Variants in EXOC6 observed in about 807,000 individuals in gnomAD.
EXOC6 encodes exocyst complex component 6.
Under a neutral mutation model 112.5 loss-of-function variants are expected in EXOC6, and 60 were observed. That is an observed-to-expected ratio of 0.53 (90% confidence interval 0.43 to 0.66). The LOEUF is 0.66. Among genes scored for constraint, EXOC6 ranks in the 30% least tolerant of loss-of-function variants. The pLI, the probability that EXOC6 is intolerant of heterozygous loss-of-function variation, is 0.00. For missense variants in EXOC6, 855 were observed against 957.1 expected (o/e 0.89, Z 1.41); for synonymous variants, 295 against 308.0 (o/e 0.96, Z 0.44).
At chr10:93,051,615 A>C (rs1190965015) in intron 20 of EXOC6, among the ~76,000 whole-genome samples, 1 of 152,202 alleles carries the variant, frequency 6.6e-6, no homozygotes, top group Non-Finnish European at 1.5e-5. Context: ...AGGAAGGAAA[A>C]TCCAGGTGCT....
intron 19 of EXOC6, among the ~76,000 whole-genome samples, chr10:93,005,078 T>G (rs1343793575): frequency 6.6e-6 from 1 of 152,196 alleles, no homozygotes; most frequent in Non-Finnish European, 1.5e-5. Context: ...TTTACCCTCT[T>G]GGAGTTTAAG....
Position 92,848,611 on chromosome 10 carries a change from C to T in EXOC6, c.78C>T (p.Thr26=), listed in dbSNP as rs760948321. The T allele has an allele frequency of 9.0e-5, 130 of 1,448,006 alleles. No individual in the cohort carries two copies. The highest frequency in any genetic ancestry group is 1.1e-4 in the Non-Finnish European group (120 of 1,083,658). The allele number at this position is 1,448,006 out of a possible 1,614,324, so 89.7% of individuals were successfully genotyped here. ...RILQEIESTD[T]ACVGPTLRSV... ...TGCAGGAGATCGAGAGCACCGACAC[C>T]GCCTGTGTGGGGCCCACCCTCCGGT... The change falls in exon 1 of 22, where the codon ACC becomes ACT. Residue 26 remains threonine (T), a synonymous_variant. Coordinates refer to ENST00000260762, the MANE Select transcript of EXOC6 (RefSeq NM_019053.6).
At chr10:92,989,953 C>G (rs1843163031) in intron 18 of EXOC6, among the ~76,000 whole-genome samples, 1 of 151,898 alleles carries the variant, frequency 6.6e-6, no homozygotes, top group Admixed American at 6.6e-5. Context: ...ATTTTGATAT[C>G]CATTTTTATA....
chr10:92,837,891 C>T (rs907594720), intron 1 of EXOC6, among the ~76,000 whole-genome samples: 12 of 152,152 alleles, frequency 7.9e-5, no homozygotes, highest in Admixed American at 2.6e-4. Context: ...CGTTTACCTA[C>T]GTGTTTTTCC....
intron 1 of EXOC6, among the ~76,000 whole-genome samples, chr10:92,864,398 C>T (rs1335063619): frequency 1.3e-5 from 2 of 152,234 alleles, no homozygotes; most frequent in East Asian, 3.8e-4. Context: ...GAAACAAACA[C>T]TTGACTCTAG....
chr10:92,856,275 T>TAA lies in EXOC6; in HGVS notation c.101+7642_101+7643insAA, dbSNP rs760235705. On this transcript the variant is annotated intron_variant, in intron 1 of 21. Coordinates refer to ENST00000260762, the MANE Select transcript of EXOC6 (RefSeq NM_019053.6). ...TTTTTATTATGATGGAACCCAACCT[T>TAA]ACGATGGAAGTTTGGGTTATTAATT... is the stretch of plus-strand genomic sequence containing the variant. 1.4e-4 allele frequency among the ~76,000 whole-genome samples: 22 copies of TAA among 152,106 alleles called. 1 individual carries two copies. The East Asian group carries it at 4.3e-3, about 29-fold the overall frequency.
At position 92,948,615 on chromosome 10, in the gene EXOC6, T is replaced by TACTACC. The variant is rs1430208962; in HGVS notation, c.1416+241_1416+242insCACTAC. Among the ~76,000 whole-genome samples, 4 of 150,748 alleles carry TACTACC rather than the reference T, an allele frequency of 2.7e-5. No individual in the cohort carries two copies. In the East Asian group the frequency reaches 5.8e-4, roughly 22 times the overall value. ...CTACTACTACTACTACTACTACTAC[T>TACTACC]ACTACTGAGATTTCGATGACGTTAA... On this transcript the variant is annotated intron_variant, in intron 14 of 21. Transcript: ENST00000260762.
intron 1 of EXOC6, among the ~76,000 whole-genome samples, chr10:92,863,813 G>A (rs1312048073): frequency 6.6e-6 from 1 of 151,510 alleles, no homozygotes; most frequent in African/African-American, 2.4e-5. Context: ...TACTCGAGAG[G>A]CTGAGACAGG....
intron 1 of EXOC6, among the ~76,000 whole-genome samples, chr10:92,890,530 A>G (rs910153626): frequency 3.3e-5 from 5 of 152,084 alleles, no homozygotes; most frequent in Non-Finnish European, 5.9e-5. Context: ...CCAGTAGGGG[A>G]AGACAGATAA....
At chr10:92,942,666 T>C (rs2133978762) in intron 13 of EXOC6, among the ~76,000 whole-genome samples, 1 of 152,336 alleles carries the variant, frequency 6.6e-6, no homozygotes, top group East Asian at 1.9e-4. Flanking sequence ...TATAATATGA[T>C]GTAATATGAT....
chr10:92,939,560 T>A (rs772144067), intron 12 of EXOC6, among the ~76,000 whole-genome samples: 1 of 152,034 alleles, frequency 6.6e-6, no homozygotes, highest in Non-Finnish European at 1.5e-5. Flanking sequence ...GAGTTTAATG[T>A]ACTTGCTGGC....
At chr10:92,939,437 T>TG (rs1024603993) in intron 12 of EXOC6, among the ~76,000 whole-genome samples, 2 of 151,198 alleles carry the variant, frequency 1.3e-5, no homozygotes, top group Admixed American at 6.6e-5. Flanking sequence ...GTGGCAGGGG[T>TG]GGGGTGTTTA....
chr10:92,873,396 C>G (rs1489299348), intron 1 of EXOC6, among the ~76,000 whole-genome samples: 2 of 152,128 alleles, frequency 1.3e-5, no homozygotes, highest in African/African-American at 4.8e-5. Flanking sequence ...AGACTTTTTT[C>G]TGTGCGTGGA....
At position 92,975,488 on chromosome 10, in the gene EXOC6, C is replaced by T. The variant is rs545084573; in HGVS notation, c.1953+1256C>T. On this transcript the variant is annotated intron_variant, in intron 18 of 21. Coordinates refer to ENST00000260762, the MANE Select transcript of EXOC6 (RefSeq NM_019053.6). ...CGGGAGGGAGGTGGGGGGGGTCAGC[C>T]CCCCGCCCACCCAGCCGCCCCGTCC... Among the ~76,000 whole-genome samples, 3 of 149,030 alleles carry T rather than the reference C, an allele frequency of 2.0e-5. No homozygotes were observed. The East Asian group carries it at 6.0e-4, about 30-fold the overall frequency.
intron 20 of EXOC6, among the ~76,000 whole-genome samples, chr10:93,019,555 A>G (rs926471061): frequency 6.6e-6 from 1 of 152,198 alleles, no homozygotes; most frequent in Non-Finnish European, 1.5e-5. Flanking sequence ...CACATTGAAA[A>G]CACTGGTTAT....
chr10:92,940,158 C>G (rs1333091709), intron 12 of EXOC6, among the ~76,000 whole-genome samples: 2 of 152,062 alleles, frequency 1.3e-5, no homozygotes, highest in African/African-American at 4.8e-5. Context: ...AGAGAGAAAC[C>G]TTGGAGAGAC....
intron 1 of EXOC6, among the ~76,000 whole-genome samples, chr10:92,841,470 T>A (rs771715964): frequency 6.6e-6 from 1 of 152,206 alleles, no homozygotes; most frequent in Admixed American, 6.5e-5. Flanking sequence ...CTAATGAGAA[T>A]AGTATAGCGT....
intron 1 of EXOC6, among the ~76,000 whole-genome samples, chr10:92,869,875 G>T (rs1015570956): frequency 1.3e-5 from 2 of 151,638 alleles, no homozygotes. Flanking sequence ...TTGAGACAGG[G>T]GGCATCTTTT....
In EXOC6 at chr10:92,887,358, G is replaced by T. The variant is rs568830508; in HGVS notation, c.102-5991G>T. ...TTACTTTTTATCAACGTAAGTAGAG[G>T]ATTAAATCAACTACTTGTAGTGATT... On this transcript the variant is annotated intron_variant, in intron 1 of 21. Transcript: ENST00000260762. 8.0e-5 allele frequency among the ~76,000 whole-genome samples: 12 copies of T among 150,504 alleles called. No homozygotes were observed. The South Asian group carries it at 2.5e-3, about 32-fold the overall frequency.
Sources: allele counts gnomAD v4.1 joint callset (sites outside exome capture counted in the v4.1 genomes callset), GRCh38; gene constraint gnomAD v4.1.1; transcripts MANE v1.5; gene names NCBI Gene and HGNC (gene_info 2026-07-23, HGNC 2026-07-21).